NCAM2: variants seen among roughly 807,000 people sequenced by gnomAD.
NCAM2 encodes the protein neural cell adhesion molecule 2.
NCAM2 carries 30 observed loss-of-function variants against 98.1 expected under a neutral mutation model. That is an observed-to-expected ratio of 0.31 (90% CI 0.23 to 0.41). NCAM2 has a LOEUF of 0.41. Ranked by LOEUF, NCAM2 falls within the 10% of genes least tolerant of loss-of-function variation. The pLI, the probability that NCAM2 is intolerant of heterozygous loss-of-function variation, is 1.00. For missense variants in NCAM2, 867 were observed against 1,005.8 expected (o/e 0.86, Z 1.87); for synonymous variants, 368 against 342.4 (o/e 1.07, Z -0.83).
chr21:21,036,639 G>A (rs549055271), intron 1 of NCAM2, among the ~76,000 whole-genome samples: 1 of 151,890 alleles, frequency 6.6e-6, no homozygotes, highest in Non-Finnish European at 1.5e-5. Flanking sequence ...GGAGGTGTAG[G>A]AGTAAATGAT....
At chr21:21,196,706 A>T (rs571734778) in intron 1 of NCAM2, among the ~76,000 whole-genome samples, 2 of 152,284 alleles carry the variant, frequency 1.3e-5, no homozygotes, top group African/African-American at 4.8e-5. Context: ...ACCTCTGAAA[A>T]ATCAAATTTA....
At chr21:21,099,951 G>T (rs1001293420) in intron 1 of NCAM2, among the ~76,000 whole-genome samples, 1 of 151,802 alleles carries the variant, frequency 6.6e-6, no homozygotes, top group African/African-American at 2.4e-5. Flanking sequence ...ACAGATCAAG[G>T]AATTAAATTA....
intron 1 of NCAM2, among the ~76,000 whole-genome samples, chr21:21,144,855 A>C (rs1014084086): frequency 6.6e-6 from 1 of 152,172 alleles, no homozygotes; most frequent in African/African-American, 2.4e-5. Flanking sequence ...GGAATATAGG[A>C]AAATGTAGAG....
chr21:21,144,194 A>G (rs1366765828), intron 1 of NCAM2, among the ~76,000 whole-genome samples: 1 of 151,806 alleles, frequency 6.6e-6, no homozygotes, highest in Non-Finnish European at 1.5e-5. Context: ...CTAAAAATAT[A>G]AAAAATTAGC....
intron 16 of NCAM2, among the ~76,000 whole-genome samples, chr21:21,519,684 A>G (rs1988908144): frequency 6.6e-6 from 1 of 152,140 alleles, no homozygotes; most frequent in African/African-American, 2.4e-5. Flanking sequence ...TGATCACACA[A>G]TTTTTATATA....
chr21:21,316,565 T>C (rs2074228127), intron 5 of NCAM2, among the ~76,000 whole-genome samples: 1 of 130,900 alleles, frequency 7.6e-6, no homozygotes, highest in African/African-American at 2.9e-5. Flanking sequence ...AGACAGAGTC[T>C]CACTCTGTTG....
intron 12 of NCAM2, among the ~76,000 whole-genome samples, chr21:21,464,130 C>T (rs1037349911): frequency 6.6e-6 from 1 of 152,012 alleles, no homozygotes; most frequent in Non-Finnish European, 1.5e-5. Context: ...ATAAGCATTG[C>T]CAGATGCCAT....
chr21:21,389,999 G>A (rs2076346705), intron 9 of NCAM2, among the ~76,000 whole-genome samples: 1 of 152,074 alleles, frequency 6.6e-6, no homozygotes, highest in Non-Finnish European at 1.5e-5. Flanking sequence ...ACAGTCACGT[G>A]CCACCATGCC....
intron 1 of NCAM2, among the ~76,000 whole-genome samples, chr21:21,040,351 T>C (rs949886225): frequency 6.6e-6 from 1 of 152,184 alleles, no homozygotes; most frequent in Admixed American, 6.5e-5. Flanking sequence ...TCATTCTCTC[T>C]GACTGAATGA....
chr21:21,353,572 A>C (rs368088114), intron 8 of NCAM2, among the ~76,000 whole-genome samples: 17 of 152,128 alleles, frequency 1.1e-4, no homozygotes, highest in African/African-American at 4.1e-4. Flanking sequence ...TTCTCAGGCC[A>C]CTCTTAAGTG....
intron 1 of NCAM2, among the ~76,000 whole-genome samples, chr21:21,088,182 C>A (rs1397320771): frequency 1.3e-5 from 2 of 152,002 alleles, no homozygotes. Context: ...ATAATCAATC[C>A]AAATGTAAAG....
intron 1 of NCAM2, among the ~76,000 whole-genome samples, chr21:21,179,489 C>G (rs1435951686): frequency 1.3e-5 from 2 of 152,058 alleles, no homozygotes; most frequent in Non-Finnish European, 2.9e-5. Flanking sequence ...TCAGAAATTC[C>G]AGTCAATTCT....
At chr21:21,021,779 G>T (rs573155713) in intron 1 of NCAM2, among the ~76,000 whole-genome samples, 1 of 152,214 alleles carries the variant, frequency 6.6e-6, no homozygotes, top group African/African-American at 2.4e-5. Context: ...CTAGTACAAA[G>T]ATTAGTACCG....
chr21:21,280,225 G>A (rs1341945495), intron 1 of NCAM2, among the ~76,000 whole-genome samples: 1 of 152,002 alleles, frequency 6.6e-6, no homozygotes, highest in African/African-American at 2.4e-5. Context: ...TTATACAACT[G>A]TTGGGCAAAC....
At chr21:21,343,883 GGGA>G (rs2075115858) in intron 8 of NCAM2, among the ~76,000 whole-genome samples, 1 of 152,130 alleles carries the variant, frequency 6.6e-6, no homozygotes, top group South Asian at 2.1e-4. Flanking sequence ...GTGTCAGGTG[GGGA>G]GGAATGTGAC....
chr21:21,000,157 CTTCT>C (rs1422712652), intron 1 of NCAM2, among the ~76,000 whole-genome samples: 1 of 152,168 alleles, frequency 6.6e-6, no homozygotes, highest in Non-Finnish European at 1.5e-5. Flanking sequence ...TACAGATATG[CTTCT>C]TTAATTTTCA....
Position 21,093,897 on chromosome 21 carries a change from C to A in NCAM2, c.55+95279C>A, listed in dbSNP as rs139310554. ...TGCCTAGAATGCTCACACTTTCCTT[C>A]TTTTGTTTACATTTTATCTAAAGTG... On this transcript the variant is annotated intron_variant, in intron 1 of 17. Coordinates refer to ENST00000400546, the MANE Select transcript of NCAM2 (RefSeq NM_004540.5). Among the ~76,000 whole-genome samples the A allele has an allele frequency of 6.7e-4, 102 of 152,060 alleles. 1 individual carries two copies. In the East Asian group the frequency reaches 0.013, roughly 20 times the overall value.
At chr21:21,486,197 G>A (rs543571336) in intron 15 of NCAM2, among the ~76,000 whole-genome samples, 382 of 151,458 alleles carry the variant, frequency 2.5e-3, no homozygotes, top group African/African-American at 8.6e-3. Context: ...CCAGCTACTC[G>A]GGAGGCTGAG....
chr21:21,500,334 G>C (rs1203810095), intron 15 of NCAM2, among the ~76,000 whole-genome samples: 1 of 152,100 alleles, frequency 6.6e-6, no homozygotes, highest in East Asian at 1.9e-4. Flanking sequence ...GAGTTTTAAT[G>C]TGAATTAAAA....
Sources: allele counts gnomAD v4.1 joint callset (sites outside exome capture counted in the v4.1 genomes callset), GRCh38; gene constraint gnomAD v4.1.1; transcripts MANE v1.5; gene names NCBI Gene and HGNC (gene_info 2026-07-23, HGNC 2026-07-21).